The following PRKAR1A variants were observed in gnomAD, a reference collection of about 807,000 sequenced individuals.
The protein encoded by PRKAR1A is cAMP-dependent protein kinase type I-alpha regulatory subunit.
In PRKAR1A, 3 loss-of-function variants were observed where a neutral mutation model predicts 52.0. That is an observed-to-expected ratio of 0.06 (90% CI 0.03 to 0.15). The LOEUF is 0.15. Among genes scored for constraint, PRKAR1A ranks in the 10% least tolerant of loss-of-function variants. The pLI, the probability that PRKAR1A is intolerant of heterozygous loss-of-function variation, is 1.00. For synonymous variants in PRKAR1A, 188 were observed against 168.4 expected (o/e 1.12, Z -0.90); for missense variants, 240 against 477.4 (o/e 0.50, Z 4.63).
intron 5 of PRKAR1A, among the ~76,000 whole-genome samples, chr17:68,524,390 C>T (rs990910487): frequency 1.3e-5 from 2 of 152,028 alleles, no homozygotes; most frequent in African/African-American, 4.8e-5. Flanking sequence ...TATTGTTAAT[C>T]ACTTTTAAAG....
At chr17:68,447,574 A>G in the PRKAR1A span, among the ~76,000 whole-genome samples, 1 of 151,956 alleles carries the variant, frequency 6.6e-6, no homozygotes, top group African/African-American at 2.4e-5. Flanking sequence ...AAGACCTAGT[A>G]AAGACTAGGT....
the PRKAR1A span, chr17:68,420,367 C>T: frequency 3.2e-5 from 51 of 1,614,038 alleles, no homozygotes; most frequent in African/African-American, 5.7e-4. Context: ...AAGACATTGC[C>T]AACGACAACA....
At chr17:68,447,413 G>T in the PRKAR1A span, among the ~76,000 whole-genome samples, 1 of 151,952 alleles carries the variant, frequency 6.6e-6, no homozygotes, top group Non-Finnish European at 1.5e-5. Flanking sequence ...ACAGGGTCTT[G>T]CTGTGTCACC....
the PRKAR1A span, among the ~76,000 whole-genome samples, chr17:68,415,674 G>A: frequency 6.6e-6 from 1 of 152,068 alleles, no homozygotes; most frequent in African/African-American, 2.4e-5. Context: ...TACGTTATTA[G>A]TAATTATTTT....
chr17:68,537,063 G>T, downstream of PRKAR1A: 1 of 457,942 alleles, frequency 2.2e-6, no homozygotes, highest in South Asian at 1.6e-5. The surrounding 1 kb of genome is among the most constrained non-coding windows in gnomAD (Gnocchi z 4.2). Flanking sequence ...CAGGTGTTTT[G>T]TCTGGACCAG....
chr17:68,438,819 C>T, the PRKAR1A span, among the ~76,000 whole-genome samples: 4 of 152,156 alleles, frequency 2.6e-5, no homozygotes, highest in South Asian at 2.1e-4. Context: ...CAGGCTGTCT[C>T]GAACTCGTGA....
upstream of PRKAR1A, among the ~76,000 whole-genome samples, chr17:68,510,835 G>T (rs1305462540): frequency 6.6e-6 from 1 of 152,162 alleles, no homozygotes; most frequent in Non-Finnish European, 1.5e-5. Flanking sequence ...TCAGAAGGCA[G>T]TGAATAACAT....
At chr17:68,464,632 G>T in the PRKAR1A span, among the ~76,000 whole-genome samples, 83 of 150,670 alleles carry the variant, frequency 5.5e-4, 1 homozygote, top group Middle Eastern at 3.4e-3. Context: ...AGTGAGCCGA[G>T]ATCGTGCCGC....
chr17:68,539,742 T>C (rs770184104), intron 11 of PRKAR1A: 1 of 770,442 alleles, frequency 1.3e-6, no homozygotes, highest in Non-Finnish European at 2.2e-6. Context: ...AAGAAGGAAA[T>C]GGAAGAAGCC....
the PRKAR1A span, among the ~76,000 whole-genome samples, chr17:68,469,029 A>G: frequency 2.0e-5 from 3 of 152,142 alleles, no homozygotes; most frequent in South Asian, 4.1e-4. Context: ...ATCCCAGGGA[A>G]CATCAACACC....
the PRKAR1A span, chr17:68,450,727 C>T: frequency 6.2e-7 from 1 of 1,604,946 alleles, no homozygotes; most frequent in Non-Finnish European, 8.5e-7. Context: ...TCCCCACTTA[C>T]TTGCCGGTTC....
the PRKAR1A span, among the ~76,000 whole-genome samples, chr17:68,463,640 T>C: frequency 6.6e-6 from 1 of 152,056 alleles, no homozygotes; most frequent in Admixed American, 6.6e-5. Context: ...AAATTTTGCA[T>C]AGGGTGGGCA....
chr17:68,447,295 A>G, the PRKAR1A span, among the ~76,000 whole-genome samples: 4 of 152,214 alleles, frequency 2.6e-5, no homozygotes, highest in Non-Finnish European at 5.9e-5. Context: ...CATAAAATAT[A>G]TTTCCTCAGT....
At chr17:68,502,147 T>G in the PRKAR1A span, among the ~76,000 whole-genome samples, 4 of 152,180 alleles carry the variant, frequency 2.6e-5, no homozygotes, top group African/African-American at 9.6e-5. Context: ...TCCCTACTCA[T>G]GTCCTTGCTT....
intron 11 of PRKAR1A, among the ~76,000 whole-genome samples, chr17:68,550,169 C>T (rs1412240880): frequency 2.0e-5 from 3 of 151,964 alleles, no homozygotes; most frequent in Non-Finnish European, 4.4e-5. Flanking sequence ...CAACCAATTC[C>T]CCAAATTTTT....
At chr17:68,494,488 G>A in the PRKAR1A span, among the ~76,000 whole-genome samples, 3 of 152,100 alleles carry the variant, frequency 2.0e-5, 1 homozygote, top group East Asian at 3.8e-4. Context: ...GTTGCAATGA[G>A]CAAGATGGCA....
At chr17:68,457,430 CG>C in the PRKAR1A span, 1 of 1,469,332 alleles carries the variant, frequency 6.8e-7, no homozygotes, top group Admixed American at 2.4e-5. Context: ...ATCGGGGGCT[CG>C]GCCCGGGAAG....
chr17:68,487,107 C>T, the PRKAR1A span, among the ~76,000 whole-genome samples: 3 of 151,986 alleles, frequency 2.0e-5, no homozygotes, highest in South Asian at 2.1e-4. Flanking sequence ...CTCCTGACCT[C>T]GTGATCCGCC....
At chr17:68,466,418 T>C in the PRKAR1A span, among the ~76,000 whole-genome samples, 1 of 147,884 alleles carries the variant, frequency 6.8e-6, no homozygotes, top group East Asian at 2.0e-4. Flanking sequence ...TCTTTTTTTT[T>C]TTTTTTTTTT....
Sources: allele counts gnomAD v4.1 joint callset (sites outside exome capture counted in the v4.1 genomes callset), GRCh38; gene constraint gnomAD v4.1.1; non-coding constraint Gnocchi (gnomAD v3.1); transcripts MANE v1.5; gene names NCBI Gene and HGNC (gene_info 2026-07-23, HGNC 2026-07-21).